Variants in MTSS1 observed in about 807,000 individuals in gnomAD.
The protein encoded by MTSS1 is MTSS I-BAR domain containing 1, also known as protein MTSS 1.
MTSS1 carries 18 observed loss-of-function variants against 79.0 expected under a neutral mutation model. That is an observed-to-expected ratio of 0.23 (90% CI 0.16 to 0.34). The LOEUF is 0.34. Ranked by LOEUF, MTSS1 falls within the 10% of genes least tolerant of loss-of-function variation. The pLI is 1.00. For synonymous variants in MTSS1, 341 were observed against 368.6 expected (o/e 0.93, Z 0.86); for missense variants, 815 against 986.2 (o/e 0.83, Z 2.33).
At chr8:124,660,649 G>A (rs1453510470) in intron 3 of MTSS1, among the ~76,000 whole-genome samples, 1 of 152,124 alleles carries the variant, frequency 6.6e-6, no homozygotes, top group Non-Finnish European at 1.5e-5. Context: ...CCAAATATGA[G>A]GCTCTGGCTT....
At chr8:124,598,461 A>T (rs892418543) in intron 3 of MTSS1, among the ~76,000 whole-genome samples, 5 of 152,128 alleles carry the variant, frequency 3.3e-5, no homozygotes, top group Non-Finnish European at 5.9e-5. Context: ...GCACTGGCGT[A>T]GGAACATGCA....
Position 124,591,178 on chromosome 8 carries a change from A to T in MTSS1, c.266T>A (p.Ile89Asn). The T allele has an allele frequency of 6.2e-7, 1 of 1,614,234 alleles. No individual in the cohort carries two copies. Among genetic ancestry groups the T allele is most frequent in the East Asian group, 2.2e-5 (1 of 44,890 alleles). The change falls in exon 4 of 14, where the codon ATT (isoleucine) becomes AAT (asparagine). Residue 89 changes from isoleucine to asparagine, a missense_variant. By Grantham distance (149) the Ile-to-Asn change is moderately radical. Transcript: ENST00000518547. Reference protein sequence around the residue: ...LTRMCMRHRSIEAKLRQFSSA... With the variant: ...LTRMCMRHRSNEAKLRQFSSA... ...CGAAAACTGCCTCAGCTTGGCTTCA[A>T]TGCTTCTGTGCCTCATGCACATCCT...
chr8:124,565,520 A>T (rs560390616), intron 9 of MTSS1, 142 bp downstream of exon 9: 2 of 710,192 alleles, frequency 2.8e-6, no homozygotes, highest in African/African-American at 1.8e-5. Context: ...GACCAAAATT[A>T]TTACCATTCT....
intron 3 of MTSS1, among the ~76,000 whole-genome samples, chr8:124,595,289 T>C (rs1464221852): frequency 6.6e-6 from 1 of 152,208 alleles, no homozygotes; most frequent in South Asian, 2.1e-4. Flanking sequence ...GACCACGAGC[T>C]TAGTGGCTTA....
chr8:124,655,454 C>G (rs1449584535), intron 3 of MTSS1, among the ~76,000 whole-genome samples: 1 of 152,168 alleles, frequency 6.6e-6, no homozygotes, highest in Non-Finnish European at 1.5e-5. Flanking sequence ...CCCAGCAGAA[C>G]AGGGAGGGGT....
At chr8:124,705,825 G>C (rs1449714780) in intron 1 of MTSS1, among the ~76,000 whole-genome samples, 2 of 152,144 alleles carry the variant, frequency 1.3e-5, no homozygotes, top group African/African-American at 4.8e-5. Flanking sequence ...GTCGTGGGGG[G>C]CTGTCCTGCA....
At chr8:124,663,475 G>A (rs775056942) in intron 3 of MTSS1, among the ~76,000 whole-genome samples, 18 of 152,022 alleles carry the variant, frequency 1.2e-4, no homozygotes, top group Admixed American at 3.3e-4. Flanking sequence ...CCCAGCTTTG[G>A]CATGCATCAT....
chr8:124,684,540 A>G (rs1450516560), intron 3 of MTSS1, among the ~76,000 whole-genome samples: 1 of 152,242 alleles, frequency 6.6e-6, no homozygotes, highest in Non-Finnish European at 1.5e-5. Context: ...CTTCTCCCTC[A>G]TAAAAGCAGC....
chr8:124,675,890 TA>T (rs1253920400), intron 3 of MTSS1, among the ~76,000 whole-genome samples: 1 of 152,208 alleles, frequency 6.6e-6, no homozygotes, highest in East Asian at 1.9e-4. Flanking sequence ...ATTCATCCAG[TA>T]ATGGGCAGCT....
At chr8:124,618,708 C>G (rs1271227309) in intron 3 of MTSS1, among the ~76,000 whole-genome samples, 1 of 152,198 alleles carries the variant, frequency 6.6e-6, no homozygotes, top group Non-Finnish European at 1.5e-5. Context: ...GCTGGCAGCT[C>G]TCCATAATGT....
intron 3 of MTSS1, among the ~76,000 whole-genome samples, chr8:124,638,534 G>A (rs1437427372): frequency 6.6e-6 from 1 of 152,132 alleles, no homozygotes; most frequent in South Asian, 2.1e-4. Flanking sequence ...GCGGAGATCC[G>A]TGCCCTTCGG....
intron 3 of MTSS1, among the ~76,000 whole-genome samples, chr8:124,676,354 A>T (rs1365240674): frequency 6.6e-6 from 1 of 152,238 alleles, no homozygotes; most frequent in Non-Finnish European, 1.5e-5. Flanking sequence ...ACCAAAGCAA[A>T]GCTCTTCATC....
In MTSS1 at chr8:124,678,758, C is replaced by T. The variant is rs563159982; in HGVS notation, c.208+20768G>A. On this transcript the variant is annotated intron_variant, in intron 3 of 13. Transcript: ENST00000518547. Reference sequence around the variant, plus strand: ...ATCAGCCTGGTAGGCCCTAATTCATCCTCTCATTCAACAAAGGTTTTACTA... The same window carrying T: ...ATCAGCCTGGTAGGCCCTAATTCATTCTCTCATTCAACAAAGGTTTTACTA... Among the ~76,000 whole-genome samples the T allele has an allele frequency of 4.6e-4, 70 of 152,282 alleles. 1 individual carries two copies. The highest frequency in any genetic ancestry group is 8.7e-4 in the Non-Finnish European group (59 of 68,032).
chr8:124,690,174 C>A (rs1246904607), intron 3 of MTSS1, among the ~76,000 whole-genome samples: 1 of 152,206 alleles, frequency 6.6e-6, no homozygotes, highest in Non-Finnish European at 1.5e-5. Context: ...CCGCCGCCAC[C>A]ACCATCGCAT....
At chr8:124,622,060 A>AAGAGAGAGAGAGAG (rs55869660) in intron 3 of MTSS1, among the ~76,000 whole-genome samples, 7 of 110,116 alleles carry the variant, frequency 6.4e-5, no homozygotes, top group East Asian at 2.7e-4. Context: ...CAGAAAGAGA[A>AAGAGAGAGAGAGAG]AGAGAGAGAG....
intron 3 of MTSS1, among the ~76,000 whole-genome samples, chr8:124,650,742 A>C (rs376031337): frequency 1.5e-3 from 226 of 152,328 alleles, no homozygotes; most frequent in Non-Finnish European, 2.0e-3. Flanking sequence ...GCTGAGAATG[A>C]TGGTATGGCT....
chr8:124,662,649 T>C lies in MTSS1; in HGVS notation c.208+36877A>G, dbSNP rs1020261288. 6.6e-5 allele frequency among the ~76,000 whole-genome samples: 10 copies of C among 152,052 alleles called. No homozygotes were observed. In the South Asian group the frequency reaches 8.3e-4, roughly 13 times the overall value. On this transcript the variant is annotated intron_variant, in intron 3 of 13. Transcript: ENST00000518547. ...AGTGATTCTGAGGTAAACTCCCACA[T>C]TGAAGAGCCCCTGCTCTAGAGAGTA...
In MTSS1 at chr8:124,550,945, AT is replaced by A. The variant is rs1375887504; in HGVS notation, c.*2046del. The A allele has an allele frequency of 6.5e-6, 1 of 152,694 alleles. No homozygotes were observed. The highest frequency in any genetic ancestry group is 2.4e-5 in the African/African-American group (1 of 41,470). The allele number at this position is 152,694 out of a possible 1,614,324, so 9.5% of individuals were successfully genotyped here. Reference sequence around the variant, plus strand: ...ACAAACTAGCAACTAAAGCACAATAATTTACTGTTAGAAACGATTTCTTTCT... The same window carrying A: ...ACAAACTAGCAACTAAAGCACAATAATTACTGTTAGAAACGATTTCTTTCT... On this transcript the variant is annotated 3_prime_UTR_variant, in exon 14 of 14. Coordinates refer to ENST00000518547, the MANE Select transcript of MTSS1 (RefSeq NM_014751.6).
intron 10 of MTSS1, 147 bp downstream of exon 10, chr8:124,562,635 C>T: frequency 2.6e-6 from 2 of 780,274 alleles, no homozygotes; most frequent in Non-Finnish European, 4.1e-6. Flanking sequence ...GGGAACAATA[C>T]ATCTAAAGAT....
Sources: gnomAD v4.1 joint callset for allele counts (sites outside exome capture counted in the v4.1 genomes callset) on GRCh38, gnomAD v4.1.1 for gene constraint, MANE v1.5 for transcripts, NCBI Gene and HGNC (gene_info 2026-07-23, HGNC 2026-07-21) for gene names.